Variants in FAM178B observed in about 807,000 individuals in gnomAD.
The protein encoded by FAM178B is protein FAM178B.
Under a neutral mutation model 91.7 loss-of-function variants are expected in FAM178B, and 82 were observed. That is an observed-to-expected ratio of 0.89 (90% CI 0.75 to 1.07). The LOEUF (loss-of-function observed/expected upper bound fraction) is 1.07. Among genes scored for constraint, FAM178B ranks in the 50% least tolerant of loss-of-function variants. The pLI, the probability that FAM178B is intolerant of heterozygous loss-of-function variation, is 0.00. For missense variants in FAM178B, 769 were observed against 846.7 expected (o/e 0.91, Z 1.14); for synonymous variants, 368 against 359.4 (o/e 1.02, Z -0.27).
At chr2:96,913,189 G>C (rs2081188082) in intron 12 of FAM178B, among the ~76,000 whole-genome samples, 1 of 152,236 alleles carries the variant, frequency 6.6e-6, no homozygotes, top group Admixed American at 6.5e-5. Flanking sequence ...TGAGAACTGA[G>C]AGCACTGCGT....
At chr2:96,896,154 T>G (rs866969835) in intron 13 of FAM178B, among the ~76,000 whole-genome samples, 6 of 152,200 alleles carry the variant, frequency 3.9e-5, no homozygotes, top group African/African-American at 1.4e-4. Context: ...GCGTGGCCTT[T>G]GGGCAGGCCT....
At chr2:96,976,974 C>T (rs946825217) in intron 1 of FAM178B, among the ~76,000 whole-genome samples, 1 of 152,072 alleles carries the variant, frequency 6.6e-6, no homozygotes, top group Admixed American at 6.6e-5. Context: ...GTGAGTGGAT[C>T]ACCTGAGGTC....
chr2:96,934,398 G>A (rs1241503487), intron 8 of FAM178B, among the ~76,000 whole-genome samples: 1 of 152,142 alleles, frequency 6.6e-6, no homozygotes. Context: ...GCAGATGGGG[G>A]CGAGAGAGAA....
chr2:96,941,438 A>G (rs1286043141), intron 8 of FAM178B, among the ~76,000 whole-genome samples: 1 of 152,184 alleles, frequency 6.6e-6, no homozygotes, highest in African/African-American at 2.4e-5. Flanking sequence ...AGAGAATGCA[A>G]CAGGCAACGG....
chr2:96,959,185 C>T (rs991628281), intron 6 of FAM178B, among the ~76,000 whole-genome samples: 12 of 121,146 alleles, frequency 9.9e-5, no homozygotes, highest in Non-Finnish European at 1.3e-4. Flanking sequence ...GGTGACAGAG[C>T]GAGACTCAGT....
chr2:96,921,859 C>T (rs1359866108), intron 10 of FAM178B, among the ~76,000 whole-genome samples: 2 of 152,062 alleles, frequency 1.3e-5, no homozygotes, highest in African/African-American at 4.8e-5. Context: ...TTGTCAGAGG[C>T]GTTTGAACCA....
At chr2:96,916,543 T>C (rs566334816) in intron 12 of FAM178B, among the ~76,000 whole-genome samples, 13 of 152,328 alleles carry the variant, frequency 8.5e-5, no homozygotes, top group Admixed American at 7.2e-4. Context: ...TGCAAGCAGT[T>C]GCAGGAGCCC....
intron 6 of FAM178B, among the ~76,000 whole-genome samples, chr2:96,958,067 C>CTTTT (rs66515058): frequency 9.9e-6 from 1 of 101,380 alleles, no homozygotes. Context: ...TTTGAAGAAT[C>CTTTT]TTTTTTTTTT....
intron 1 of FAM178B, among the ~76,000 whole-genome samples, chr2:96,975,530 T>G (rs6730782): frequency 0.56 from 84,676 of 152,080 alleles, 28,363 homozygotes; most frequent in Non-Finnish European, 0.77. Context: ...AACTGGGATA[T>G]CCATCACCTT....
Position 96,932,457 on chromosome 2 carries a change from A to G in FAM178B, c.1079-3137T>C, listed in dbSNP as rs2081556347. Among the ~76,000 whole-genome samples, 3 of 152,158 alleles carry G rather than the reference A, an allele frequency of 2.0e-5. No homozygotes were observed. In the South Asian group the frequency reaches 6.2e-4, roughly 31 times the overall value. ...GGAGCCCATAATTAACACTGCCTAG[A>G]AGTGGGCCATGCACTCAGCTTTTCC... On this transcript the variant is annotated intron_variant, in intron 8 of 16. Coordinates refer to ENST00000490605, the MANE Select transcript of FAM178B (RefSeq NM_001122646.3).
chr2:96,894,963 C>T lies in FAM178B; in HGVS notation c.1651-912G>A. On this transcript the variant is annotated intron_variant, in intron 13 of 16. Coordinates refer to ENST00000490605, the MANE Select transcript of FAM178B (RefSeq NM_001122646.3). ...TGCCGCTCTGCATCTGTGGGCCCAC[C>T]CTCCCTTGCATCCCTCTCTTTTGGT... The T allele has an allele frequency of 2.8e-6, 3 of 1,061,444 alleles. No homozygotes were observed. The Admixed American group carries it at 7.3e-5, about 26-fold the overall frequency. The allele number at this position is 1,061,444 out of a possible 1,614,324, so 65.8% of individuals were successfully genotyped here.
At chr2:96,964,649 A>G (rs1003583009) in intron 5 of FAM178B, among the ~76,000 whole-genome samples, 5 of 152,320 alleles carry the variant, frequency 3.3e-5, no homozygotes, top group South Asian at 4.1e-4. Context: ...TCAAAGAAAG[A>G]GAAACAGAAA....
intron 6 of FAM178B, among the ~76,000 whole-genome samples, chr2:96,953,626 T>C (rs1166606922): frequency 2.6e-5 from 4 of 152,206 alleles, no homozygotes; most frequent in African/African-American, 7.2e-5. Flanking sequence ...ATTTTGTCTA[T>C]GGGACCAGGA....
chr2:96,915,943 T>G (rs2081234349), intron 12 of FAM178B, among the ~76,000 whole-genome samples: 1 of 152,346 alleles, frequency 6.6e-6, no homozygotes, highest in Admixed American at 6.5e-5. Flanking sequence ...TACATATGGC[T>G]TCAAAGCCTT....
intron 12 of FAM178B, among the ~76,000 whole-genome samples, chr2:96,907,647 A>T (rs1316850886): frequency 1.3e-5 from 2 of 152,256 alleles, no homozygotes; most frequent in African/African-American, 4.8e-5. Flanking sequence ...AGTCGAAGGC[A>T]CTGAGACATT....
Position 96,967,617 on chromosome 2 carries a change from G to C in FAM178B, c.637C>G (p.Leu213Val). The C allele has an allele frequency of 6.5e-7, 1 of 1,549,048 alleles. No homozygotes were observed. The highest frequency in any genetic ancestry group is 8.7e-7 in the Non-Finnish European group (1 of 1,146,290). ...AGCAGCCTCTCTCGCTCCTGCTCCA[G>C]GGCCTGTTCCCTATAGGAAGTCGAG... Reference protein sequence around the residue: ...YLLQEKREQALEQERERLLLQ... With the variant: ...YLLQEKREQAVEQERERLLLQ... Residue 213 changes from leucine to valine, a missense_variant, in exon 5 of 17, where the codon CTG becomes GTG. Transcript: ENST00000490605.
intron 8 of FAM178B, 69 bp downstream of exon 8, chr2:96,947,749 A>C (rs567728563): frequency 1.4e-4 from 125 of 892,502 alleles, no homozygotes; most frequent in Non-Finnish European, 2.0e-4. Context: ...GGCTCTGGGC[A>C]CTGAGAGTCA....
At chr2:96,967,909 G>GTATTTTTTTTTTTT (rs1318481195) in intron 4 of FAM178B, among the ~76,000 whole-genome samples, 3 of 40,228 alleles carry the variant, frequency 7.5e-5, no homozygotes, top group African/African-American at 1.7e-4. Flanking sequence ...ACCCTGTTTG[G>GTATTTTTTTTTTTT]TCTTTTTTTT....
chr2:96,894,299 C>CT (rs1325551086), intron 13 of FAM178B, among the ~76,000 whole-genome samples: 1 of 151,252 alleles, frequency 6.6e-6, no homozygotes, highest in Non-Finnish European at 1.5e-5. Flanking sequence ...CCCCACGCCC[C>CT]ACCCACACAC....
Sources: gnomAD v4.1 joint callset for allele counts (sites outside exome capture counted in the v4.1 genomes callset) on GRCh38, gnomAD v4.1.1 for gene constraint, MANE v1.5 for transcripts, NCBI Gene and HGNC (gene_info 2026-07-23, HGNC 2026-07-21) for gene names.